The following ZBTB38 variants were observed in gnomAD, a reference collection of about 807,000 sequenced individuals.
The protein encoded by ZBTB38 is zinc finger and BTB domain-containing protein 38.
ZBTB38 carries 20 observed loss-of-function variants against 76.8 expected under a neutral mutation model. The observed-to-expected ratio is 0.26, with a 90% CI of 0.18 to 0.38. The LOEUF is 0.38. Among genes scored for constraint, ZBTB38 ranks in the 10% least tolerant of loss-of-function variants. The pLI is 1.00. For missense variants in ZBTB38, 1,082 were observed against 1,482.3 expected, an observed-to-expected ratio of 0.73 and a Z score of 4.43; for synonymous variants, 504 against 544.2, an observed-to-expected ratio of 0.93 and a Z score of 1.03.
chr3:141,415,368 G>C (rs955522363), intron 5 of ZBTB38, among the ~76,000 whole-genome samples: 1 of 152,160 alleles, frequency 6.6e-6, no homozygotes, highest in African/African-American at 2.4e-5. Context: ...CTAGAAACTT[G>C]TTCCAGGATG....
intron 1 of ZBTB38, among the ~76,000 whole-genome samples, chr3:141,351,348 A>G (rs746271201): frequency 5.3e-5 from 8 of 151,440 alleles, no homozygotes; most frequent in Non-Finnish European, 1.0e-4. Flanking sequence ...TGCCAATGTA[A>G]ATGTCTGGTC....
chr3:141,379,582 T>C (rs1445360805), intron 2 of ZBTB38, among the ~76,000 whole-genome samples: 1 of 152,220 alleles, frequency 6.6e-6, no homozygotes, highest in East Asian at 1.9e-4. Flanking sequence ...GATCGTGTGC[T>C]AGAAAGGTGA....
In ZBTB38 at chr3:141,443,336, C is replaced by T; in HGVS notation, c.948C>T (p.Val316=). The change falls in exon 6 of 6, where the codon GTC becomes GTT. Residue 316 remains valine, a synonymous_variant. Transcript: ENST00000321464. This position sits in a 1 kb window ranked among gnomAD's most constrained non-coding sequence, Gnocchi z 5.6. The part of the protein sequence containing the change: ...RSKSPNNEGD[V]HFSREDENQS... Reference sequence around the variant, plus strand: ...AATCTCCAAACAATGAAGGAGATGTCCATTTTTCCAGGGAAGATGAAAATC... The same window carrying T: ...AATCTCCAAACAATGAAGGAGATGTTCATTTTTCCAGGGAAGATGAAAATC... 1 of 1,614,204 alleles carries T rather than the reference C, an allele frequency of 6.2e-7. No individual in the cohort carries two copies. The highest frequency in any genetic ancestry group is 8.5e-7 in the Non-Finnish European group (1 of 1,180,032).
intron 4 of ZBTB38, among the ~76,000 whole-genome samples, chr3:141,392,210 T>C (rs997647052): frequency 2.6e-5 from 4 of 152,288 alleles, no homozygotes; most frequent in South Asian, 2.1e-4. Context: ...TTCCACAACA[T>C]GAAGACAAGC....
rs541645411 is a variant in ZBTB38 at position 141,394,818 on chromosome 3, G to A, written c.-106+7881G>A. On this transcript the variant is annotated intron_variant, in intron 4 of 5. Transcript: ENST00000321464. Reference sequence around the variant, plus strand: ...GCTCTTATGGGAATCTGAACTACACGTTTCTGTTGCCTTATTGATTTTAGA... The same window carrying A: ...GCTCTTATGGGAATCTGAACTACACATTTCTGTTGCCTTATTGATTTTAGA... Among the ~76,000 whole-genome samples, 16 of 152,230 alleles carry A rather than the reference G, an allele frequency of 1.1e-4. No individual in the cohort carries two copies. The South Asian group carries it at 2.7e-3, about 26-fold the overall frequency.
At chr3:141,350,797 G>A (rs1943492148) in intron 1 of ZBTB38, among the ~76,000 whole-genome samples, 2 of 152,126 alleles carry the variant, frequency 1.3e-5, no homozygotes, top group African/African-American at 2.4e-5. Flanking sequence ...GCTAAGAAAA[G>A]TTCTGATAAA....
At chr3:141,329,752 A>G (rs1341747823) in intron 1 of ZBTB38, among the ~76,000 whole-genome samples, 1 of 152,010 alleles carries the variant, frequency 6.6e-6, no homozygotes. Flanking sequence ...TTCAACCTCT[A>G]TTGCTTTTCA....
In ZBTB38 at chr3:141,443,964, A is replaced by G. The variant is rs1341909195; in HGVS notation, c.1576A>G (p.Met526Val). The change falls in exon 6 of 6, where the codon ATG becomes GTG. Residue 526 changes from methionine to valine, a missense_variant. Met to Val is a conservative substitution (Grantham distance 21, BLOSUM62 1). Around this residue, in one of 8 missense-constraint regions of ZBTB38, gnomAD observed 60 missense variants for 126.0 expected, o/e 0.48. Coordinates refer to ENST00000321464, the MANE Select transcript of ZBTB38 (RefSeq NM_001376113.1). This position sits in a 1 kb window ranked among gnomAD's most constrained non-coding sequence, Gnocchi z 5.6. ...YQCIFCLETFMTYYILKNHQK... is the reference protein window; with the variant it reads ...YQCIFCLETFVTYYILKNHQK... ...GTGCATTTTCTGTCTTGAAACTTTC[A>G]TGACCTACTATATACTCAAAAATCA... The G allele has an allele frequency of 6.2e-7, 1 of 1,614,054 alleles. No individual in the cohort carries two copies. Among genetic ancestry groups the G allele is most frequent in the African/African-American group, 1.3e-5 (1 of 74,930 alleles).
chr3:141,419,611 T>C (rs1319069902), intron 5 of ZBTB38, among the ~76,000 whole-genome samples: 1 of 152,178 alleles, frequency 6.6e-6, no homozygotes. Context: ...TTCTGAGCCT[T>C]GGTGTCCCAT....
intron 4 of ZBTB38, chr3:141,388,810 A>G (rs1000572668): frequency 2.0e-5 from 3 of 152,244 alleles, no homozygotes; most frequent in Non-Finnish European, 4.4e-5. Flanking sequence ...TTCTAAACAT[A>G]TAGAGAAAGC....
chr3:141,338,933 G>T (rs913029286), intron 1 of ZBTB38, among the ~76,000 whole-genome samples: 4 of 151,956 alleles, frequency 2.6e-5, no homozygotes, highest in African/African-American at 7.2e-5. Context: ...TAAGTACTAT[G>T]AATGAACATC....
At chr3:141,353,915 A>G (rs557052919) in intron 1 of ZBTB38, among the ~76,000 whole-genome samples, 1 of 152,284 alleles carries the variant, frequency 6.6e-6, no homozygotes, top group Non-Finnish European at 1.5e-5. Context: ...GTCTTGCAGA[A>G]CAACATGATC....
intron 3 of ZBTB38, among the ~76,000 whole-genome samples, chr3:141,381,823 C>A (rs768565364): frequency 2.0e-5 from 3 of 152,166 alleles, no homozygotes; most frequent in Non-Finnish European, 4.4e-5. Flanking sequence ...AGAAAACAAG[C>A]TGGGCTTGAT....
chr3:141,338,446 A>G (rs1034633999), intron 1 of ZBTB38, among the ~76,000 whole-genome samples: 8 of 152,392 alleles, frequency 5.2e-5, no homozygotes, highest in African/African-American at 1.9e-4. Context: ...CATAGACACC[A>G]TGGAATACTA....
chr3:141,349,973 CA>C (rs1166977563), intron 1 of ZBTB38, among the ~76,000 whole-genome samples: 1 of 151,972 alleles, frequency 6.6e-6, no homozygotes, highest in Non-Finnish European at 1.5e-5. Context: ...TATTTTTAAA[CA>C]AAAGCATTAG....
rs1474717241 is a variant in ZBTB38, at chr3:141,444,419, C to T, written c.2031C>T (p.Ser677=). ...ATTCAACTGAGGTGTCAGTTTCTTC[C>T]ACTGAAAATGCTGTCAGTTCTGACC... ...NFYSTEVSVS[S]TENAVSSDLR... The change falls in exon 6 of 6, where the codon TCC becomes TCT. Residue 677 remains serine (S), a synonymous_variant. Transcript: ENST00000321464. The surrounding 1 kb of genome is among the most constrained non-coding windows in gnomAD (Gnocchi z 5.1). 1 of 1,613,888 alleles carries T rather than the reference C, an allele frequency of 6.2e-7. No homozygotes were observed. Among genetic ancestry groups the T allele is most frequent in the Non-Finnish European group, 8.5e-7 (1 of 1,180,038 alleles).
At chr3:141,416,403 TG>T (rs2074063357) in intron 5 of ZBTB38, among the ~76,000 whole-genome samples, 1 of 152,218 alleles carries the variant, frequency 6.6e-6, no homozygotes, top group Admixed American at 6.5e-5. Context: ...CACAGTGGCC[TG>T]GGGTCCCTTG....
chr3:141,407,726 G>A (rs1377315777), intron 5 of ZBTB38, among the ~76,000 whole-genome samples: 4 of 152,332 alleles, frequency 2.6e-5, no homozygotes, highest in Admixed American at 2.6e-4. Flanking sequence ...GGCTGGTGAC[G>A]AAGATTAACA....
upstream of ZBTB38, among the ~76,000 whole-genome samples, chr3:141,363,723 TA>T (rs1235281236): frequency 2.0e-5 from 3 of 152,180 alleles, no homozygotes; most frequent in African/African-American, 7.2e-5. Context: ...TGTACAGAAT[TA>T]TTGTAAGAAT....
Sources: gnomAD v4.1 joint callset for allele counts (sites outside exome capture counted in the v4.1 genomes callset) on GRCh38, gnomAD v4.1.1 for gene constraint, gnomAD v4.1.1 regional missense constraint, Gnocchi (gnomAD v3.1) non-coding constraint, MANE v1.5 for transcripts, NCBI Gene and HGNC (gene_info 2026-07-23, HGNC 2026-07-21) for gene names.